IGSF23: variants seen among roughly 807,000 people sequenced by gnomAD.
The protein encoded by IGSF23 is immunoglobulin superfamily, member 23.
In IGSF23, 14 loss-of-function variants were observed where a neutral mutation model predicts 17.8. The ratio of observed to expected loss-of-function variants is 0.79; its 90% CI spans 0.52 to 1.23. The LOEUF is 1.23. Among genes scored for constraint, IGSF23 ranks in the 50% most tolerant of loss-of-function variants. IGSF23 has a pLI of 0.00. For synonymous variants in IGSF23, 85 were observed against 92.5 expected (o/e 0.92, Z 0.46); for missense variants, 214 against 241.7 (o/e 0.89, Z 0.76).
At chr19:44,622,809 C>T (rs1390974730) in intron 1 of IGSF23, among the ~76,000 whole-genome samples, 1 of 152,138 alleles carries the variant, frequency 6.6e-6, no homozygotes, top group Non-Finnish European at 1.5e-5. Flanking sequence ...ACACCCATCT[C>T]AGGGCCTTTT....
At chr19:44,626,715 T>G (rs1305725160) in intron 2 of IGSF23, among the ~76,000 whole-genome samples, 1 of 151,854 alleles carries the variant, frequency 6.6e-6, no homozygotes, top group Non-Finnish European at 1.5e-5. Flanking sequence ...CTGGCCAACA[T>G]GGTGAAGTAG....
chr19:44,615,290 A>G (rs551751866), intron 1 of IGSF23, among the ~76,000 whole-genome samples: 2 of 150,148 alleles, frequency 1.3e-5, no homozygotes, highest in African/African-American at 2.5e-5. Context: ...CTCCGTCTCA[A>G]AAATAAATAA....
At chr19:44,627,694 G>T (rs749393471) in intron 3 of IGSF23, 121 bp downstream of exon 3, 1 of 1,115,720 alleles carries the variant, frequency 9.0e-7, no homozygotes, top group Non-Finnish European at 1.3e-6. Flanking sequence ...GGGTGATAGC[G>T]ACTCCTGAGG....
intron 3 of IGSF23, among the ~76,000 whole-genome samples, chr19:44,631,165 G>C (rs947706634): frequency 6.6e-6 from 1 of 152,114 alleles, no homozygotes; most frequent in African/African-American, 2.4e-5. Context: ...TACTCGAAAG[G>C]CTAAGGTGGG....
At chr19:44,622,837 C>T (rs846854) in intron 1 of IGSF23, among the ~76,000 whole-genome samples, 24,145 of 152,024 alleles carry the variant, frequency 0.16, 2,122 homozygotes, top group East Asian at 0.37. Flanking sequence ...GTTCCCTCTG[C>T]CTGGAACATT....
At chr19:44,635,537 T>C (rs900794282) in intron 4 of IGSF23, 72 bp downstream of exon 4, 6 of 1,051,268 alleles carry the variant, frequency 5.7e-6, no homozygotes, top group Non-Finnish European at 7.0e-6. Context: ...AGAGACTCCA[T>C]ATGTGATTTC....
At chr19:44,617,397 T>C (rs1293106896) in intron 1 of IGSF23, among the ~76,000 whole-genome samples, 2 of 152,032 alleles carry the variant, frequency 1.3e-5, no homozygotes, top group African/African-American at 4.8e-5. Flanking sequence ...GAGTAAATTA[T>C]TGGCTAAGAA....
intron 1 of IGSF23, among the ~76,000 whole-genome samples, chr19:44,619,985 T>C (rs1972476154): frequency 6.6e-6 from 1 of 152,186 alleles, no homozygotes; most frequent in Admixed American, 6.5e-5. Flanking sequence ...AAAGTTCCAG[T>C]GTCGGCCAGG....
At chr19:44,620,470 G>A (rs968532984) in intron 1 of IGSF23, among the ~76,000 whole-genome samples, 3 of 151,580 alleles carry the variant, frequency 2.0e-5, no homozygotes, top group Non-Finnish European at 2.9e-5. Context: ...GGGTTCAAGC[G>A]AGTCTCCTGC....
intron 3 of IGSF23, among the ~76,000 whole-genome samples, chr19:44,630,369 T>C (rs186438000): frequency 3.9e-5 from 6 of 152,340 alleles, no homozygotes; most frequent in Admixed American, 2.6e-4. Context: ...GGCTAGGTGC[T>C]ATTATTGTCG....
At chr19:44,626,890 C>T (rs1176421166) in intron 2 of IGSF23, among the ~76,000 whole-genome samples, 1 of 150,272 alleles carries the variant, frequency 6.7e-6, no homozygotes, top group Non-Finnish European at 1.5e-5. Flanking sequence ...CCACTGCACT[C>T]CAGCCTGGTG....
rs949413312 is a variant in IGSF23 at position 44,635,439 on chromosome 19, T to C, written c.*5T>C. ...AGAATAGGAATATGCAGCTGAAATG[T>C]GGGCAACTCTCCTGTCAGCTGAAGA... On this transcript the variant is annotated 3_prime_UTR_variant, in exon 4 of 5. Coordinates refer to ENST00000402988, the MANE Select transcript of IGSF23 (RefSeq NM_001205280.2). 1.7e-5 allele frequency: 26 copies of C among 1,549,398 alleles called. No individual in the cohort carries two copies. The East Asian group carries it at 2.9e-4, about 17-fold the overall frequency.
intron 1 of IGSF23, among the ~76,000 whole-genome samples, chr19:44,617,011 A>T (rs1972396249): frequency 6.6e-6 from 1 of 151,766 alleles, no homozygotes; most frequent in Admixed American, 6.6e-5. Flanking sequence ...GAATCTTCCC[A>T]CCTCAGCCTC....
chr19:44,635,144 C>T (rs1972859576), intron 3 of IGSF23, among the ~76,000 whole-genome samples: 1 of 152,196 alleles, frequency 6.6e-6, no homozygotes, highest in Non-Finnish European at 1.5e-5. Flanking sequence ...ACTGTGTCCT[C>T]ACGTGACCTT....
intron 1 of IGSF23, among the ~76,000 whole-genome samples, chr19:44,616,876 G>A (rs982776067): frequency 1.3e-5 from 2 of 150,436 alleles, no homozygotes; most frequent in African/African-American, 2.4e-5. Context: ...CATATATGTA[G>A]AGAGAGAGAG....
At chr19:44,615,319 CCGGGTGCAGTGGCTCA>C (rs368838745) in intron 1 of IGSF23, among the ~76,000 whole-genome samples, 137 of 151,306 alleles carry the variant, frequency 9.1e-4, no homozygotes, top group Middle Eastern at 3.4e-3. Context: ...CAGTTCTGAG[CCGGGTGCAGTGGCTCA>C]CGGGTGCAGT....
intron 3 of IGSF23, 148 bp downstream of exon 3, chr19:44,627,721 T>C (rs1407833990): frequency 5.6e-6 from 5 of 892,494 alleles, no homozygotes; most frequent in Non-Finnish European, 8.3e-6. Context: ...TCTGACTCAC[T>C]GGTTTCCAAA....
At chr19:44,617,813 A>C (rs1972419223) in intron 1 of IGSF23, among the ~76,000 whole-genome samples, 1 of 152,098 alleles carries the variant, frequency 6.6e-6, no homozygotes, top group African/African-American at 2.4e-5. Context: ...GGACCCAGCC[A>C]ACTGTAGGAC....
chr19:44,615,398 C>T (rs56302417), intron 1 of IGSF23, among the ~76,000 whole-genome samples: 11,558 of 151,844 alleles, frequency 0.076, 471 homozygotes, highest in Middle Eastern at 0.14. Flanking sequence ...CCAAGGCGGG[C>T]GGATCATCTG....
Sources: allele counts gnomAD v4.1 joint callset (sites outside exome capture counted in the v4.1 genomes callset), GRCh38; gene constraint gnomAD v4.1.1; transcripts MANE v1.5; gene names NCBI Gene and HGNC (gene_info 2026-07-23, HGNC 2026-07-21).